Variants in CLOCK observed in about 807,000 individuals in gnomAD.
CLOCK encodes the protein clock circadian regulator.
In CLOCK, 43 loss-of-function variants were observed where a neutral mutation model predicts 118.4. The observed-to-expected ratio is 0.36, with a 90% CI of 0.28 to 0.47. CLOCK has a LOEUF of 0.47. Ranked by LOEUF, CLOCK falls within the 20% of genes least tolerant of loss-of-function variation. The probability of loss-of-function intolerance (pLI) is 1.00; values close to 1 mark genes in which losing one functional copy is unlikely to be tolerated. For synonymous variants in CLOCK, 326 were observed against 339.2 expected (o/e 0.96, Z 0.43); for missense variants, 846 against 999.9 (o/e 0.85, Z 2.08).
Position 55,432,588 on chromosome 4 carries a change from C to G in CLOCK, c.*2827G>C, listed in dbSNP as rs1577656317. The G allele has an allele frequency of 7.8e-6, 1 of 127,598 alleles. No individual in the cohort carries two copies. Among genetic ancestry groups the G allele is most frequent in the South Asian group, 2.5e-4 (1 of 4,024 alleles). The allele number at this position is 127,598 out of a possible 1,614,324, so 7.9% of individuals were successfully genotyped here. ...CTATAGAAATGAAGAACAGACACTG[C>G]TGAATCTTCATTTGAATGCTCAAGT... On this transcript the variant is annotated 3_prime_UTR_variant, in exon 23 of 23. Coordinates refer to ENST00000513440, the MANE Select transcript of CLOCK (RefSeq NM_004898.4).
intron 2 of CLOCK, among the ~76,000 whole-genome samples, chr4:55,498,024 A>C (rs1489946691): frequency 5.3e-5 from 8 of 152,102 alleles, no homozygotes; most frequent in Non-Finnish European, 1.2e-4. Flanking sequence ...CATTAGTACT[A>C]TAAATCCTCT....
chr4:55,542,862 C>G (rs1056741853), intron 1 of CLOCK, among the ~76,000 whole-genome samples: 1 of 152,198 alleles, frequency 6.6e-6, no homozygotes, highest in South Asian at 2.1e-4. Flanking sequence ...AAGTTTAACC[C>G]ATACACTATC....
intron 1 of CLOCK, among the ~76,000 whole-genome samples, chr4:55,542,068 T>C (rs1310552376): frequency 6.6e-6 from 1 of 151,694 alleles, no homozygotes; most frequent in African/African-American, 2.4e-5. Flanking sequence ...CAGTTGGGCA[T>C]GGTGGCTCAT....
At chr4:55,443,490 A>AG (rs1291619088) in intron 20 of CLOCK, among the ~76,000 whole-genome samples, 197 bp downstream of exon 20, 1 of 146,656 alleles carries the variant, frequency 6.8e-6, no homozygotes, top group African/African-American at 2.5e-5. Flanking sequence ...AAAAAAAAAG[A>AG]AAAAAAAAAG....
chr4:55,490,831 A>T (rs1727624538), intron 2 of CLOCK, among the ~76,000 whole-genome samples: 1 of 152,190 alleles, frequency 6.6e-6, no homozygotes. Context: ...CCAACTGTAT[A>T]GACCAAATGG....
rs548185647 is a variant in CLOCK, at chr4:55,443,479, A to AG, written c.1902+207_1902+208insC. Among the ~76,000 whole-genome samples, 10 of 151,966 alleles carry AG rather than the reference A, an allele frequency of 6.6e-5. No individual in the cohort carries two copies. In the South Asian group the frequency reaches 1.9e-3, roughly 28 times the overall value. ...AACAGGAGCAAAACTCCGTCTCAAA[A>AG]AAAAAAAAAGAAAAAAAAAAGCTGA... On this transcript the variant is annotated intron_variant, in intron 20 of 22. Transcript: ENST00000513440.
intron 2 of CLOCK, among the ~76,000 whole-genome samples, chr4:55,494,561 G>A (rs892401148): frequency 2.1e-4 from 32 of 151,992 alleles, no homozygotes; most frequent in African/African-American, 7.5e-4. Flanking sequence ...ATGGGGACTC[G>A]GGGAGAAGGG....
At chr4:55,522,038 C>T (rs1577848833) in intron 1 of CLOCK, among the ~76,000 whole-genome samples, 1 of 152,240 alleles carries the variant, frequency 6.6e-6, no homozygotes, top group East Asian at 1.9e-4. Context: ...AAAGAATGGA[C>T]TATCCATTAA....
intron 2 of CLOCK, among the ~76,000 whole-genome samples, chr4:55,489,696 A>G (rs922049349): frequency 6.6e-6 from 1 of 152,200 alleles, no homozygotes; most frequent in African/African-American, 2.4e-5. Context: ...AAAGTATTAA[A>G]AAACTGTAAC....
chr4:55,497,892 C>T (rs893012108), intron 2 of CLOCK, among the ~76,000 whole-genome samples: 1 of 151,650 alleles, frequency 6.6e-6, no homozygotes, highest in Non-Finnish European at 1.5e-5. Flanking sequence ...ATGAATTAAA[C>T]CCCAGACTTT....
intron 20 of CLOCK, 143 bp downstream of exon 20, chr4:55,443,544 A>G: frequency 1.4e-6 from 1 of 690,708 alleles, no homozygotes; most frequent in Non-Finnish European, 2.5e-6. Flanking sequence ...AAATATTTTA[A>G]TAATCACTCT....
chr4:55,470,889 A>G, intron 7 of CLOCK, 83 bp from the exon 8 acceptor site: 1 of 955,292 alleles, frequency 1.0e-6, no homozygotes. Context: ...ATAAATGACA[A>G]AGGATTTAAT....
At chr4:55,523,732 G>T (rs985951312) in intron 1 of CLOCK, among the ~76,000 whole-genome samples, 10 of 151,624 alleles carry the variant, frequency 6.6e-5, no homozygotes, top group Non-Finnish European at 1.3e-4. Context: ...TACTTCTCCA[G>T]ATTTCTAATA....
At chr4:55,507,120 C>T (rs1728857023) in intron 2 of CLOCK, among the ~76,000 whole-genome samples, 1 of 151,966 alleles carries the variant, frequency 6.6e-6, no homozygotes, top group Middle Eastern at 3.2e-3. Flanking sequence ...TCTAGAGCAG[C>T]CTAAGCAGCA....
At chr4:55,545,731 C>G (rs1468126688) in intron 1 of CLOCK, 1 of 152,236 alleles carries the variant, frequency 6.6e-6, no homozygotes, top group Non-Finnish European at 1.5e-5. Flanking sequence ...AATATAAACT[C>G]TGCGGCGCTG....
At chr4:55,490,077 G>A (rs1313146469) in intron 2 of CLOCK, among the ~76,000 whole-genome samples, 1 of 147,902 alleles carries the variant, frequency 6.8e-6, no homozygotes, top group Non-Finnish European at 1.5e-5. Flanking sequence ...AAAATACATG[G>A]AGTGGCTGAA....
intron 2 of CLOCK, among the ~76,000 whole-genome samples, chr4:55,490,323 AAT>A (rs373003546): frequency 6.6e-5 from 10 of 150,440 alleles, no homozygotes; most frequent in Non-Finnish European, 7.4e-5. Flanking sequence ...AGCAATTATA[AAT>A]ATATATATAT....
At chr4:55,544,848 G>C (rs1731502490) in intron 1 of CLOCK, among the ~76,000 whole-genome samples, 1 of 151,920 alleles carries the variant, frequency 6.6e-6, no homozygotes, top group Admixed American at 6.6e-5. Context: ...TTTATATAAA[G>C]AGCAAACATA....
At chr4:55,472,163 A>G (rs545165125) in intron 7 of CLOCK, among the ~76,000 whole-genome samples, 1 of 152,340 alleles carries the variant, frequency 6.6e-6, no homozygotes, top group Admixed American at 6.5e-5. Flanking sequence ...AAAGAATGAC[A>G]AAGTGAAGAG....
Sources: allele counts gnomAD v4.1 joint callset (sites outside exome capture counted in the v4.1 genomes callset), GRCh38; gene constraint gnomAD v4.1.1; transcripts MANE v1.5; gene names NCBI Gene and HGNC (gene_info 2026-07-23, HGNC 2026-07-21).